Variants in GLYATL1 observed in about 807,000 individuals in gnomAD.
GLYATL1 encodes glycine N-acyltransferase-like protein 1.
In GLYATL1, 15 loss-of-function variants were observed where a neutral mutation model predicts 20.0. That is an observed-to-expected ratio of 0.75 (90% CI 0.50 to 1.15). GLYATL1 has a LOEUF of 1.15. GLYATL1 is among the 50% of genes most tolerant of loss of function. The probability of loss-of-function intolerance (pLI) is 0.00; values close to 1 mark genes in which losing one functional copy is unlikely to be tolerated. For missense variants in GLYATL1, 380 were observed against 368.5 expected, an observed-to-expected ratio of 1.03 and a Z score of -0.26; for synonymous variants, 151 against 131.5, an observed-to-expected ratio of 1.15 and a Z score of -1.01.
intron 1 of GLYATL1, among the ~76,000 whole-genome samples, chr11:58,917,764 T>C (rs960009705): frequency 1.1e-4 from 17 of 152,184 alleles, no homozygotes; most frequent in Admixed American, 2.6e-4. Context: ...AGTTTACTCA[T>C]ATCATGGGGG....
downstream of GLYATL1, among the ~76,000 whole-genome samples, chr11:58,912,236 A>T (rs201166255): frequency 9.8e-5 from 15 of 152,314 alleles, no homozygotes; most frequent in East Asian, 2.9e-3. Flanking sequence ...TGACTTGTGC[A>T]TTACTCTCTC....
At position 58,908,364 on chromosome 11, in the gene GLYATL1, T is replaced by A. The variant is rs76883410; in HGVS notation, n.1362T>A. 8.2e-3 allele frequency: 1,257 copies of A among 153,178 alleles called. 18 individuals are homozygous for A. Among genetic ancestry groups the A allele is most frequent in the South Asian group, 0.05 (244 of 4,836 alleles). 9.5% of individuals were successfully genotyped at this position (153,178 alleles called of 1,614,324 possible). ...GAAAGTGGTTATTTCATAGATCTTG[T>A]TTTTTTGTTTTTTTAGACATTTAAG... On this transcript the variant is annotated non_coding_transcript_exon_variant, in exon 2 of 2. Coordinates refer to the GLYATL1 transcript ENST00000524629.
intron 1 of GLYATL1, chr11:58,928,257 C>T (rs960701376): frequency 8.5e-5 from 13 of 152,200 alleles, no homozygotes; most frequent in African/African-American, 3.1e-4. Context: ...ATGATGAAAT[C>T]TCAGCTTGAA....
At chr11:58,942,188 C>T (rs1856207647) in intron 1 of GLYATL1, among the ~76,000 whole-genome samples, 1 of 152,168 alleles carries the variant, frequency 6.6e-6, no homozygotes, top group Non-Finnish European at 1.5e-5. Context: ...AGCCAAGGAA[C>T]CCTGAATTTA....
At position 58,954,755 on chromosome 11, in the gene GLYATL1, T is replaced by C. The variant is rs1057166789; in HGVS notation, c.187-15T>C. The C allele has an allele frequency of 6.3e-7, 1 of 1,584,008 alleles. No individual in the cohort carries two copies. Among genetic ancestry groups the C allele is most frequent in the Non-Finnish European group, 8.6e-7 (1 of 1,168,302 alleles). The stretch of plus-strand genomic sequence containing the variant: ...AGTTCAAGGGAATGACCTGATCTTA[T>C]ATCATCCAATACAGGAGATGACTGA... On this transcript the variant is annotated splice_polypyrimidine_tract_variant and intron_variant, in intron 4 of 6. Transcript: ENST00000532726.
rs1026272431 is a variant in GLYATL1, at chr11:58,949,943, C to T, written c.186+1978C>T. 9.2e-5 allele frequency among the ~76,000 whole-genome samples: 12 copies of T among 130,502 alleles called. 1 individual carries two copies. In the East Asian group the frequency reaches 2.6e-3, roughly 29 times the overall value. 85.6% of individuals were successfully genotyped at this position (130,502 alleles called of 152,430 possible). A position where few individuals can be genotyped will look rare whatever the true frequency, so the allele number is the denominator to read the frequency against. The stretch of plus-strand genomic sequence containing the variant: ...AACATGATTTTAAAAAGTTAATAAC[C>T]TCTTACCTCCCCTCCCCTCCTCTCC... On this transcript the variant is annotated intron_variant, in intron 4 of 6. Transcript: ENST00000532726.
chr11:58,920,541 C>T (rs1016320515), intron 1 of GLYATL1, among the ~76,000 whole-genome samples: 3 of 152,102 alleles, frequency 2.0e-5, no homozygotes, highest in African/African-American at 4.8e-5. Context: ...ACTCAATGTC[C>T]GGGTCTCCGA....
chr11:58,923,303 C>T (rs1363776598), upstream of GLYATL1, among the ~76,000 whole-genome samples: 2 of 152,166 alleles, frequency 1.3e-5, no homozygotes, highest in Non-Finnish European at 2.9e-5. Context: ...CGTGCAATTG[C>T]TTTGAATGAC....
intron 1 of GLYATL1, among the ~76,000 whole-genome samples, chr11:58,929,247 A>G (rs770183789): frequency 1.3e-5 from 2 of 152,198 alleles, no homozygotes; most frequent in African/African-American, 2.4e-5. Flanking sequence ...TAAGTTTTTC[A>G]TAAGTGTTCT....
At chr11:58,914,585 T>C (rs1318625042) in intron 1 of GLYATL1, among the ~76,000 whole-genome samples, 1 of 151,954 alleles carries the variant, frequency 6.6e-6, no homozygotes, top group Non-Finnish European at 1.5e-5. Flanking sequence ...GGTAGACAAA[T>C]CCCTCCCTGG....
At chr11:58,930,438 C>T (rs911347451) in intron 1 of GLYATL1, among the ~76,000 whole-genome samples, 1 of 152,028 alleles carries the variant, frequency 6.6e-6, no homozygotes, top group Non-Finnish European at 1.5e-5. Flanking sequence ...AAGAAGGGAA[C>T]AAAGCATATT....
At chr11:58,937,610 C>T (rs1323914956), upstream of GLYATL1, among the ~76,000 whole-genome samples, 4 of 152,184 alleles carry the variant, frequency 2.6e-5, 1 homozygote, top group South Asian at 6.2e-4. Context: ...TTTGACTGTT[C>T]GGTCCGTGCC....
Position 58,956,031 on chromosome 11 carries a change from A to G in GLYATL1, c.*4A>G, listed in dbSNP as rs771850079. 1 of 1,606,408 alleles carries G rather than the reference A, an allele frequency of 6.2e-7. No individual in the cohort carries two copies. The highest frequency in any genetic ancestry group is 1.1e-5 in the South Asian group (1 of 90,848). ...ACAGAATCTAGTTCCATTTTAGACA[A>G]TGAAGCTGCTTAGTAATCTCTGCCA... On this transcript the variant is annotated 3_prime_UTR_variant, in exon 7 of 7. Transcript: ENST00000532726.
upstream of GLYATL1, among the ~76,000 whole-genome samples, chr11:58,936,344 G>A (rs1426920160): frequency 6.6e-6 from 1 of 152,214 alleles, no homozygotes; most frequent in East Asian, 1.9e-4. Context: ...ACAATGGCTT[G>A]GGATTCTGAG....
At chr11:58,926,609 C>T (rs1264920816), upstream of GLYATL1, among the ~76,000 whole-genome samples, 1 of 152,158 alleles carries the variant, frequency 6.6e-6, no homozygotes, top group Non-Finnish European at 1.5e-5. Flanking sequence ...CATCAGTAAA[C>T]AGTGTTAAAG....
chr11:58,932,110 CAA>C (rs5792141), intron 1 of GLYATL1, among the ~76,000 whole-genome samples: 2 of 61,494 alleles, frequency 3.3e-5, no homozygotes, highest in Admixed American at 2.5e-4. Context: ...GACCCCTTCT[CAA>C]AAAAAAAAAA....
At chr11:58,933,094 C>T (rs1191723247) in intron 1 of GLYATL1, among the ~76,000 whole-genome samples, 1 of 152,104 alleles carries the variant, frequency 6.6e-6, no homozygotes, top group Non-Finnish European at 1.5e-5. Context: ...TGGATAATGA[C>T]ACCATTGTCA....
At chr11:58,920,306 T>A (rs557974490) in intron 1 of GLYATL1, among the ~76,000 whole-genome samples, 1 of 152,220 alleles carries the variant, frequency 6.6e-6, no homozygotes, top group East Asian at 1.9e-4. Context: ...TTGTAAATAG[T>A]CCCATGAACA....
chr11:58,946,384 A>G (rs559625291), intron 2 of GLYATL1, among the ~76,000 whole-genome samples: 1 of 152,378 alleles, frequency 6.6e-6, no homozygotes, highest in Admixed American at 6.5e-5. Flanking sequence ...CTAAAATTTG[A>G]AATCAGCCTA....
Sources: allele counts gnomAD v4.1 joint callset (sites outside exome capture counted in the v4.1 genomes callset), GRCh38; gene constraint gnomAD v4.1.1; transcripts MANE v1.5; gene names NCBI Gene and HGNC (gene_info 2026-07-23, HGNC 2026-07-21).